The following ALDH8A1 variants were observed in gnomAD, a reference collection of about 807,000 sequenced individuals.
ALDH8A1 encodes the protein aldehyde dehydrogenase 8 family member A1, also known as 2-aminomuconic semialdehyde dehydrogenase.
Under a neutral mutation model 43.3 loss-of-function variants are expected in ALDH8A1, and 39 were observed. The ratio of observed to expected loss-of-function variants is 0.90; its 90% confidence interval spans 0.70 to 1.18. The LOEUF is 1.18. ALDH8A1 is among the 50% of genes most tolerant of loss of function. The pLI is 0.00. For missense variants in ALDH8A1, 605 were observed against 622.6 expected (o/e 0.97, Z 0.30); for synonymous variants, 233 against 243.5 (o/e 0.96, Z 0.40).
In ALDH8A1 at chr6:134,942,474, G is replaced by T; in HGVS notation, c.377C>A (p.Ser126Ter). ...CAGGTGGTCCATCTGCGTGCACTCT[G>T]ACGTGTGGTGCAGGCTGGAGGAAGC... ...FFASSSLHHT[S>*]ECTQMDHLGC... Residue 126 changes from serine (S) to a stop codon, truncating the protein, a stop_gained, in exon 3 of 7, where the codon TCA becomes TAA. Transcript: ENST00000265605. LOFTEE classifies it high-confidence loss of function. 6.2e-7 allele frequency: 1 copy of T among 1,614,178 alleles called. No homozygotes were observed. Among genetic ancestry groups the T allele is most frequent in the Non-Finnish European group, 8.5e-7 (1 of 1,180,040 alleles).
chr6:134,936,536 G>T (rs1030981996), intron 4 of ALDH8A1, among the ~76,000 whole-genome samples: 17 of 152,214 alleles, frequency 1.1e-4, no homozygotes, highest in South Asian at 2.1e-4. Context: ...GGGGCAGGAG[G>T]GGGTGGACTG....
At chr6:134,944,004 C>T in intron 1 of ALDH8A1, 38 bp from the exon 2 acceptor site, 1 of 1,594,496 alleles carries the variant, frequency 6.3e-7, no homozygotes, top group Non-Finnish European at 8.6e-7. Flanking sequence ...CACCTTAAAG[C>T]TGTTAGTCCT....
chr6:134,918,870 G>C lies in ALDH8A1; in HGVS notation c.1012-3C>G, dbSNP rs935225695. On this transcript the variant is annotated splice_polypyrimidine_tract_variant and splice_region_variant and intron_variant, in intron 6 of 6. Coordinates refer to ENST00000265605, the MANE Select transcript of ALDH8A1 (RefSeq NM_022568.4). ...GCTCTCTTGACGTAACTTCTGACCT[G>C]CGTGGGTAAAAATCATAATTAGCAA... 1.1e-5 allele frequency: 17 copies of C among 1,611,252 alleles called. 1 individual carries two copies. The African/African-American group carries it at 1.9e-4, about 18-fold the overall frequency.
chr6:134,923,887 T>C (rs1277740856), intron 6 of ALDH8A1, among the ~76,000 whole-genome samples: 1 of 152,120 alleles, frequency 6.6e-6, no homozygotes, highest in Non-Finnish European at 1.5e-5. Flanking sequence ...GCAAATTTAT[T>C]ATTAGGAAGG....
In ALDH8A1 at chr6:134,918,855, C is replaced by T. The variant is rs75706536; in HGVS notation, c.1024G>A (p.Val342Ile). Residue 342 changes from valine (V) to isoleucine (I), a missense_variant, in exon 7 of 7, where the codon GTC becomes ATC. By Grantham distance (29) the Val-to-Ile change is conservative. Transcript: ENST00000265605. ...GCACCTTCAGCAAGAGCTCTCTTGA[C>T]GTAACTTCTGACCTGCGTGGGTAAA... is the stretch of plus-strand genomic sequence containing the variant. ...KAHLEKVRSY[V>I]KRALAEGAQI... The T allele has an allele frequency of 9.8e-5, 158 of 1,613,810 alleles. No homozygotes were observed. The highest frequency in any genetic ancestry group is 8.5e-4 in the African/African-American group (64 of 75,058).
At chr6:134,938,570 AC>A (rs1773790802) in intron 4 of ALDH8A1, among the ~76,000 whole-genome samples, 1 of 152,162 alleles carries the variant, frequency 6.6e-6, no homozygotes, top group South Asian at 2.1e-4. Context: ...CTGTAGGTGT[AC>A]CTAGCAATAT....
intron 1 of ALDH8A1, among the ~76,000 whole-genome samples, chr6:134,946,469 C>G (rs898523215): frequency 1.3e-5 from 2 of 152,180 alleles, no homozygotes; most frequent in African/African-American, 4.8e-5. Context: ...ATATAGAATA[C>G]ATATTAATGT....
chr6:134,922,439 G>T (rs1776819086), intron 6 of ALDH8A1, among the ~76,000 whole-genome samples: 1 of 152,060 alleles, frequency 6.6e-6, no homozygotes, highest in Non-Finnish European at 1.5e-5. Context: ...CCAGGCTGGA[G>T]TGCAATGGTG....
chr6:134,949,346 A>C (rs1377449647), intron 1 of ALDH8A1, among the ~76,000 whole-genome samples: 1 of 152,226 alleles, frequency 6.6e-6, no homozygotes, highest in Non-Finnish European at 1.5e-5. Context: ...CACTTTGGAT[A>C]AGAAAAAAGA....
intron 4 of ALDH8A1, among the ~76,000 whole-genome samples, chr6:134,938,637 TATTA>T (rs1166681128): frequency 3.5e-4 from 53 of 151,894 alleles, no homozygotes; most frequent in African/African-American, 1.3e-3. Context: ...TTATTATTAT[TATTA>T]TTTTATTTTT....
chr6:134,944,683 A>T (rs942816550), intron 1 of ALDH8A1, among the ~76,000 whole-genome samples: 3 of 152,040 alleles, frequency 2.0e-5, no homozygotes, highest in Non-Finnish European at 4.4e-5. Context: ...CAGGAGTTTG[A>T]GACCAGCCTG....
At chr6:134,941,696 T>C (rs959381654) in intron 3 of ALDH8A1, among the ~76,000 whole-genome samples, 5 of 151,978 alleles carry the variant, frequency 3.3e-5, no homozygotes, top group Non-Finnish European at 5.9e-5. Context: ...GGTGAATTTT[T>C]GTATTTTTAG....
chr6:134,918,121 T>G lies in ALDH8A1; in HGVS notation c.*294A>C. The G allele has an allele frequency of 2.6e-6, 1 of 381,814 alleles. No homozygotes were observed. The highest frequency in any genetic ancestry group is 4.8e-5 in the South Asian group (1 of 20,668). 23.7% of individuals were successfully genotyped at this position (381,814 alleles called of 1,614,324 possible). Reference sequence around the variant, plus strand: ...CTGATTATCTGGAGATTCCCAAGAGTTCAATGAAGATGATGAAAGAAACAC... The same window carrying G: ...CTGATTATCTGGAGATTCCCAAGAGGTCAATGAAGATGATGAAAGAAACAC... On this transcript the variant is annotated 3_prime_UTR_variant, in exon 7 of 7. Transcript: ENST00000265605.
At chr6:134,924,814 A>G (rs553383225) in intron 6 of ALDH8A1, among the ~76,000 whole-genome samples, 27 of 152,358 alleles carry the variant, frequency 1.8e-4, no homozygotes, top group Middle Eastern at 6.8e-3. Context: ...CTGACACCTA[A>G]ACTCACTAAA....
intron 4 of ALDH8A1, among the ~76,000 whole-genome samples, chr6:134,938,524 G>A (rs1018263136): frequency 5.3e-5 from 8 of 152,156 alleles, no homozygotes; most frequent in Non-Finnish European, 1.2e-4. Context: ...TCTTGAAATC[G>A]GGCTACTTCT....
At position 134,918,074 on chromosome 6, in the gene ALDH8A1, A is replaced by T. The variant is rs187621187; in HGVS notation, c.*341T>A. 1.8e-5 allele frequency: 5 copies of T among 275,868 alleles called. No homozygotes were observed. Among genetic ancestry groups the T allele is most frequent in the Admixed American group, 4.9e-5 (1 of 20,350 alleles). The allele number at this position is 275,868 out of a possible 1,614,324, so 17.1% of individuals were successfully genotyped here. A position where few individuals can be genotyped will look rare whatever the true frequency, so the allele number is the denominator to read the frequency against. ...CACTGTGCCTGATTGCATATTTTTT[A>T]AAATTTACCAAATGAAATAATCTGA... On this transcript the variant is annotated 3_prime_UTR_variant, in exon 7 of 7. Coordinates refer to ENST00000265605, the MANE Select transcript of ALDH8A1 (RefSeq NM_022568.4).
intron 3 of ALDH8A1, 180 bp downstream of exon 3, chr6:134,942,229 G>T: frequency 3.8e-6 from 3 of 793,380 alleles, no homozygotes; most frequent in Non-Finnish European, 5.4e-6. Context: ...AAAAAGAAAA[G>T]CAGGGAATTT....
intron 5 of ALDH8A1, among the ~76,000 whole-genome samples, chr6:134,930,715 A>G (rs2114689193): frequency 6.6e-6 from 1 of 152,342 alleles, no homozygotes. Context: ...CTGTGACATC[A>G]GGGAAGGAGA....
chr6:134,936,321 T>C (rs1356959431), intron 4 of ALDH8A1, among the ~76,000 whole-genome samples: 1 of 152,224 alleles, frequency 6.6e-6, no homozygotes, highest in Non-Finnish European at 1.5e-5. Context: ...CTTAGGTCAG[T>C]CCTGGATTGT....
Sources: allele counts gnomAD v4.1 joint callset (sites outside exome capture counted in the v4.1 genomes callset), GRCh38; gene constraint gnomAD v4.1.1; transcripts MANE v1.5; gene names NCBI Gene and HGNC (gene_info 2026-07-23, HGNC 2026-07-21).